Variants in HPSE2 observed in about 807,000 individuals in gnomAD.
HPSE2 encodes inactive heparanase-2.
A neutral mutation model predicts 60.5 loss-of-function variants in HPSE2; 38 were observed. The ratio of observed to expected loss-of-function variants is 0.63; its 90% CI spans 0.48 to 0.82. HPSE2 has a LOEUF of 0.82. Among genes scored for constraint, HPSE2 ranks in the 40% least tolerant of loss-of-function variants. The pLI, the probability that HPSE2 is intolerant of heterozygous loss-of-function variation, is 0.00. For synonymous variants in HPSE2, 295 were observed against 293.2 expected (o/e 1.01, Z -0.06); for missense variants, 713 against 740.4 (o/e 0.96, Z 0.43).
chr10:99,057,910 TATGGGTTAAAAAAAAACAG>T (rs974413463), intron 3 of HPSE2, among the ~76,000 whole-genome samples: 2 of 11,158 alleles, frequency 1.8e-4, no homozygotes, highest in African/African-American at 3.1e-4. Context: ...CGCTGAATCT[TATGGGTTAAAAAAAAACAG>T]ATGTCTTCCA....
chr10:99,084,986 C>T (rs1200306862), intron 3 of HPSE2, among the ~76,000 whole-genome samples: 1 of 152,224 alleles, frequency 6.6e-6, no homozygotes, highest in African/African-American at 2.4e-5. Flanking sequence ...TACCAACTTT[C>T]CCTTACCTCT....
At chr10:99,052,360 T>C (rs954217230) in intron 3 of HPSE2, among the ~76,000 whole-genome samples, 2 of 148,260 alleles carry the variant, frequency 1.3e-5, no homozygotes, top group Non-Finnish European at 3.0e-5. Context: ...AACAGAACAA[T>C]AGAACAACCT....
chr10:98,949,335 A>C (rs1955286502), intron 3 of HPSE2, among the ~76,000 whole-genome samples: 1 of 152,076 alleles, frequency 6.6e-6, no homozygotes, highest in Admixed American at 6.6e-5. Flanking sequence ...CCCTCCCCAC[A>C]ATGGATGTAA....
At chr10:99,288,455 G>T in the HPSE2 span, among the ~76,000 whole-genome samples, 2 of 152,070 alleles carry the variant, frequency 1.3e-5, no homozygotes, top group Non-Finnish European at 2.9e-5. Context: ...TAAAAAGAAG[G>T]TGTAAATTCT....
chr10:98,839,324 C>A (rs546052649), intron 3 of HPSE2, among the ~76,000 whole-genome samples: 1 of 152,260 alleles, frequency 6.6e-6, no homozygotes, highest in South Asian at 2.1e-4. Context: ...GATTCAAACC[C>A]TTACCGAAGC....
At chr10:98,751,478 T>C (rs1429195077) in intron 3 of HPSE2, among the ~76,000 whole-genome samples, 1 of 152,230 alleles carries the variant, frequency 6.6e-6, no homozygotes, top group Non-Finnish European at 1.5e-5. Context: ...TTTGTGACTA[T>C]TTTATTCTTT....
At position 98,459,409 on chromosome 10, in the gene HPSE2, AC is replaced by A. The variant is rs1449609704; in HGVS notation, c.*164del. The A allele has an allele frequency of 1.3e-6, 1 of 799,684 alleles. No homozygotes were observed. Among genetic ancestry groups the A allele is most frequent in the African/African-American group, 1.7e-5 (1 of 59,148 alleles). 49.5% of individuals were successfully genotyped at this position (799,684 alleles called of 1,614,324 possible). On this transcript the variant is annotated 3_prime_UTR_variant, in exon 12 of 12. Transcript: ENST00000370552. ...GATGTGGCCTACCTAGGCTAAGATC[AC>A]GCTATGACATTTAGTCTCTTTGGAG...
At chr10:99,014,571 A>T (rs907339495) in intron 3 of HPSE2, among the ~76,000 whole-genome samples, 1 of 152,040 alleles carries the variant, frequency 6.6e-6, no homozygotes, top group African/African-American at 2.4e-5. Flanking sequence ...ACCCCCACAA[A>T]CAGTGTATAA....
At chr10:98,888,455 T>C (rs1036168178) in intron 3 of HPSE2, among the ~76,000 whole-genome samples, 1 of 152,176 alleles carries the variant, frequency 6.6e-6, no homozygotes, top group Non-Finnish European at 1.5e-5. Flanking sequence ...GAAAAAGATA[T>C]CAGTGAGCTT....
intron 9 of HPSE2, among the ~76,000 whole-genome samples, chr10:98,567,704 T>A (rs193296579): frequency 4.1e-4 from 63 of 152,142 alleles, no homozygotes; most frequent in Admixed American, 1.6e-3. Flanking sequence ...GAATCAATGG[T>A]GATGCCTTGT....
chr10:98,638,317 C>A (rs568006305), intron 7 of HPSE2, among the ~76,000 whole-genome samples: 3 of 148,502 alleles, frequency 2.0e-5, no homozygotes, highest in Admixed American at 1.3e-4. Flanking sequence ...TGGTGGCGGG[C>A]GCCTGTAGTC....
intron 11 of HPSE2, chr10:98,461,882 G>C: frequency 3.3e-6 from 4 of 1,219,024 alleles, no homozygotes; most frequent in Non-Finnish European, 4.8e-6. Context: ...ATAAGGAGTA[G>C]TTGTCCTGGA....
At chr10:99,064,806 T>C (rs1373542436) in intron 3 of HPSE2, among the ~76,000 whole-genome samples, 6 of 152,034 alleles carry the variant, frequency 3.9e-5, no homozygotes, top group African/African-American at 1.2e-4. Context: ...TTAAAATTAT[T>C]TGAGTCAAGG....
At chr10:98,705,254 C>G (rs1054785237) in intron 5 of HPSE2, among the ~76,000 whole-genome samples, 4 of 152,064 alleles carry the variant, frequency 2.6e-5, no homozygotes, top group Admixed American at 6.5e-5. Context: ...AGTCAAGAAA[C>G]AATAGATGCT....
At position 98,476,650 on chromosome 10, in the gene HPSE2, C is replaced by T. The variant is rs879548935; in HGVS notation, c.1613+5986G>A. Among the ~76,000 whole-genome samples the T allele has an allele frequency of 4.6e-5, 7 of 151,742 alleles. No homozygotes were observed. In the East Asian group the frequency reaches 7.8e-4, roughly 17 times the overall value. ...ACTAAAAATACTAAAACTAGCTGGG[C>T]GTGGTGGTGCATGCCTGTAGTCCCA... On this transcript the variant is annotated intron_variant, in intron 11 of 11. Coordinates refer to ENST00000370552, the MANE Select transcript of HPSE2 (RefSeq NM_021828.5).
At chr10:99,307,957 T>G in the HPSE2 span, among the ~76,000 whole-genome samples, 3 of 152,054 alleles carry the variant, frequency 2.0e-5, no homozygotes, top group Non-Finnish European at 4.4e-5. Context: ...ACTTTGGCAG[T>G]TCCTCAAAAT....
At chr10:99,176,876 G>A (rs929886785) in intron 2 of HPSE2, among the ~76,000 whole-genome samples, 1 of 151,856 alleles carries the variant, frequency 6.6e-6, no homozygotes, top group Non-Finnish European at 1.5e-5. Flanking sequence ...AGAGAAAAAG[G>A]TCGGATTATC....
intron 3 of HPSE2, among the ~76,000 whole-genome samples, chr10:98,908,329 T>C (rs887075816): frequency 3.9e-5 from 6 of 152,170 alleles, no homozygotes; most frequent in African/African-American, 1.4e-4. Context: ...CAAAAATAGT[T>C]AGAATATTTA....
chr10:98,487,394 G>A (rs1166705103), intron 10 of HPSE2, among the ~76,000 whole-genome samples: 4 of 152,184 alleles, frequency 2.6e-5, no homozygotes, highest in Non-Finnish European at 4.4e-5. Context: ...ATCCACATAG[G>A]GGTTGCATGA....
Sources: allele counts gnomAD v4.1 joint callset (sites outside exome capture counted in the v4.1 genomes callset), GRCh38; gene constraint gnomAD v4.1.1; transcripts MANE v1.5; gene names NCBI Gene and HGNC (gene_info 2026-07-23, HGNC 2026-07-21).